The following TSPAN18 variants were observed in gnomAD, a reference collection of about 807,000 sequenced individuals.
TSPAN18 encodes the protein tetraspanin-18.
TSPAN18 carries 14 observed loss-of-function variants against 27.3 expected under a neutral mutation model. The ratio of observed to expected loss-of-function variants is 0.51; its 90% CI spans 0.34 to 0.80. The LOEUF (loss-of-function observed/expected upper bound fraction) is 0.80. TSPAN18 is among the 30% of genes least tolerant of loss of function. The probability of loss-of-function intolerance (pLI) is 0.01; values close to 1 mark genes in which losing one functional copy is unlikely to be tolerated. For synonymous variants in TSPAN18, 143 were observed against 136.5 expected (o/e 1.05, Z -0.33); for missense variants, 268 against 323.9 (o/e 0.83, Z 1.32).
chr11:44,768,873 T>C (rs1220883704), intron 2 of TSPAN18, among the ~76,000 whole-genome samples: 2 of 150,604 alleles, frequency 1.3e-5, no homozygotes, highest in Non-Finnish European at 2.9e-5. Context: ...ATTGTTGATA[T>C]GATGGATTAT....
At chr11:44,908,769 G>GAAAGAAAAGAAAGAA (rs1554938043) in intron 4 of TSPAN18, among the ~76,000 whole-genome samples, 14 of 71,698 alleles carry the variant, frequency 2.0e-4, no homozygotes, top group African/African-American at 9.3e-4. Context: ...AGAGAGAAAG[G>GAAAGAAAAGAAAGAA]AGAAAGAAAG....
At chr11:44,926,588 G>A in intron 8 of TSPAN18, 86 bp from the exon 9 acceptor site, 2 of 1,243,232 alleles carry the variant, frequency 1.6e-6, no homozygotes, top group South Asian at 1.2e-5. Flanking sequence ...GGGGACACCT[G>A]CCATGAACCC....
intron 5 of TSPAN18, 107 bp from the exon 6 acceptor site, chr11:44,917,865 T>G: frequency 5.9e-5 from 59 of 993,218 alleles, no homozygotes; most frequent in Non-Finnish European, 8.4e-5. Context: ...TCTTACAAAA[T>G]GAGTATACTG....
intron 3 of TSPAN18, among the ~76,000 whole-genome samples, chr11:44,900,009 G>A (rs916466658): frequency 1.3e-5 from 2 of 152,126 alleles, no homozygotes; most frequent in African/African-American, 4.8e-5. Context: ...TTTTCTTCTC[G>A]CCCCACCCTC....
At chr11:44,817,523 G>A (rs1856840045) in intron 2 of TSPAN18, among the ~76,000 whole-genome samples, 1 of 152,208 alleles carries the variant, frequency 6.6e-6, no homozygotes, top group East Asian at 1.9e-4. Flanking sequence ...TGCGACTTAG[G>A]CTGAAGGGGC....
intron 2 of TSPAN18, among the ~76,000 whole-genome samples, chr11:44,807,043 T>C (rs574727786): frequency 2.6e-5 from 4 of 151,904 alleles, no homozygotes; most frequent in African/African-American, 9.7e-5. Flanking sequence ...TTTAAGTCAT[T>C]TGAAAGAAAC....
chr11:44,928,023 T>C (rs1427452793), intron 9 of TSPAN18, among the ~76,000 whole-genome samples: 1 of 152,178 alleles, frequency 6.6e-6, no homozygotes, highest in Non-Finnish European at 1.5e-5. Context: ...GACCTTTACA[T>C]GGCCCCGTCC....
At chr11:44,771,875 A>G (rs1855697305) in intron 2 of TSPAN18, among the ~76,000 whole-genome samples, 1 of 152,176 alleles carries the variant, frequency 6.6e-6, no homozygotes, top group South Asian at 2.1e-4. Context: ...AGGGATGGAT[A>G]CCTCCGTGGA....
At chr11:44,850,262 G>GA (rs1215822377) in intron 2 of TSPAN18, among the ~76,000 whole-genome samples, 1 of 152,116 alleles carries the variant, frequency 6.6e-6, no homozygotes, top group Admixed American at 6.5e-5. Context: ...ATTCTGCTTA[G>GA]AAAAAAGGAC....
chr11:44,908,787 G>GAAAAAC (rs1554938088), intron 4 of TSPAN18, among the ~76,000 whole-genome samples: 1 of 79,546 alleles, frequency 1.3e-5, no homozygotes, highest in African/African-American at 5.2e-5. Context: ...AAGAAAGAAA[G>GAAAAAC]AAAGAAAGAA....
At chr11:44,821,154 A>G (rs1856920752) in intron 2 of TSPAN18, among the ~76,000 whole-genome samples, 1 of 152,252 alleles carries the variant, frequency 6.6e-6, no homozygotes, top group Non-Finnish European at 1.5e-5. Context: ...TGTCTGATTA[A>G]CAAGTGGGAG....
chr11:44,735,621 C>CTTT (rs797010014), intron 1 of TSPAN18, among the ~76,000 whole-genome samples: 9 of 140,564 alleles, frequency 6.4e-5, no homozygotes, highest in Non-Finnish European at 1.2e-4. Context: ...ATGACCTCCT[C>CTTT]TTTTTTTTTT....
intron 2 of TSPAN18, among the ~76,000 whole-genome samples, chr11:44,806,485 C>G (rs571871030): frequency 1.3e-5 from 2 of 152,172 alleles, no homozygotes; most frequent in African/African-American, 4.8e-5. Context: ...TCCTAACAAG[C>G]CAACTTCAGC....
chr11:44,885,523 C>G (rs908566282), intron 3 of TSPAN18, among the ~76,000 whole-genome samples: 16 of 133,100 alleles, frequency 1.2e-4, no homozygotes, highest in African/African-American at 4.0e-4. Context: ...CATTTCTCAG[C>G]TTCCCTTTGT....
At chr11:44,924,671 C>T (rs913410958) in intron 8 of TSPAN18, among the ~76,000 whole-genome samples, 5 of 150,902 alleles carry the variant, frequency 3.3e-5, no homozygotes, top group Admixed American at 6.7e-5. Context: ...ACCTCTCTTT[C>T]CTTGCTCGCA....
chr11:44,780,861 A>T (rs1471636762), intron 2 of TSPAN18, among the ~76,000 whole-genome samples: 3 of 152,188 alleles, frequency 2.0e-5, no homozygotes, highest in African/African-American at 7.2e-5. Flanking sequence ...CCTTCCTTAA[A>T]ACAGGGCCCC....
chr11:44,925,318 G>A (rs1193910930), intron 8 of TSPAN18, among the ~76,000 whole-genome samples: 2 of 152,290 alleles, frequency 1.3e-5, no homozygotes, highest in East Asian at 1.9e-4. Flanking sequence ...CCACTTCCCC[G>A]ATTATTCCCA....
intron 1 of TSPAN18, among the ~76,000 whole-genome samples, chr11:44,748,332 C>T (rs1590414995): frequency 6.6e-6 from 1 of 151,000 alleles, no homozygotes; most frequent in Non-Finnish European, 1.5e-5. Flanking sequence ...CCAGAGGCGG[C>T]GGTTGCAATG....
chr11:44,746,390 G>A lies in TSPAN18; in HGVS notation c.-239-18036G>A, dbSNP rs115824834. 5.3e-3 allele frequency among the ~76,000 whole-genome samples: 806 copies of A among 152,240 alleles called. 2 individuals are homozygous for A. Among genetic ancestry groups the A allele is most frequent in the African/African-American group, 0.018 (758 of 41,542 alleles). On this transcript the variant is annotated intron_variant, in intron 1 of 9. Transcript: ENST00000520358. ...CTAAATTTACTATCTTGGTGATTTGGGGTGAGTTATTCAGCTTCTCTGAGC... is the reference window on the plus strand; with the variant it reads ...CTAAATTTACTATCTTGGTGATTTGAGGTGAGTTATTCAGCTTCTCTGAGC...
Sources: allele counts gnomAD v4.1 joint callset (sites outside exome capture counted in the v4.1 genomes callset), GRCh38; gene constraint gnomAD v4.1.1; transcripts MANE v1.5; gene names NCBI Gene and HGNC (gene_info 2026-07-23, HGNC 2026-07-21).